The following EIF2B3 variants were observed in gnomAD, a reference collection of about 807,000 sequenced individuals.
The protein encoded by EIF2B3 is eukaryotic translation initiation factor 2B subunit gamma, also known as translation initiation factor eIF2B subunit gamma.
EIF2B3 carries 20 observed loss-of-function variants against 54.1 expected under a neutral mutation model. That is an observed-to-expected ratio of 0.37 (90% CI 0.26 to 0.54). EIF2B3 has a LOEUF of 0.54. EIF2B3 is among the 20% of genes least tolerant of loss of function. EIF2B3 has a pLI of 0.86. For missense variants in EIF2B3, 448 were observed against 547.8 expected (o/e 0.82, Z 1.82); for synonymous variants, 153 against 188.1 (o/e 0.81, Z 1.52).
At chr1:44,974,389 C>G (rs1017982969) in intron 3 of EIF2B3, among the ~76,000 whole-genome samples, 1 of 151,116 alleles carries the variant, frequency 6.6e-6, no homozygotes, top group Non-Finnish European at 1.5e-5. Flanking sequence ...AGGAGGATCA[C>G]CTGAGCCTGG....
rs974725134 is a variant in EIF2B3 at position 44,914,741 on chromosome 1, T to C, written c.566+11887A>G. ...TCTCGCTCTGTCACCCAGGCCGGAGTGCAGTAGCACGGTCTTGGCTCACTG... is the reference window on the plus strand; with the variant it reads ...TCTCGCTCTGTCACCCAGGCCGGAGCGCAGTAGCACGGTCTTGGCTCACTG... On this transcript the variant is annotated intron_variant, in intron 5 of 11. Coordinates refer to ENST00000360403, the MANE Select transcript of EIF2B3 (RefSeq NM_020365.5). Among the ~76,000 whole-genome samples the C allele has an allele frequency of 2.3e-4, 35 of 152,034 alleles. 1 individual carries two copies. Among genetic ancestry groups the C allele is most frequent in the African/African-American group, 8.0e-4 (33 of 41,428 alleles).
chr1:44,870,777 C>A (rs566792775), intron 10 of EIF2B3, among the ~76,000 whole-genome samples: 1 of 151,982 alleles, frequency 6.6e-6, no homozygotes, highest in Non-Finnish European at 1.5e-5. Context: ...CTTAGCCTCC[C>A]GAGTAGCTGG....
chr1:44,950,959 G>C (rs1227685941), intron 3 of EIF2B3, among the ~76,000 whole-genome samples: 2 of 152,162 alleles, frequency 1.3e-5, no homozygotes, highest in African/African-American at 4.8e-5. Context: ...GAAGTGTTGG[G>C]ATTACAGGCG....
At chr1:44,923,660 C>T (rs545996467) in intron 5 of EIF2B3, among the ~76,000 whole-genome samples, 27 of 151,966 alleles carry the variant, frequency 1.8e-4, no homozygotes, top group Admixed American at 1.6e-3. Context: ...CTCTCCATTT[C>T]TTTCTTTCTA....
chr1:44,980,193 G>A (rs1344883998), intron 2 of EIF2B3, among the ~76,000 whole-genome samples: 3 of 151,890 alleles, frequency 2.0e-5, no homozygotes, highest in Non-Finnish European at 2.9e-5. Context: ...GGCCAGGCAC[G>A]GTGGCTCATG....
At chr1:44,857,913 A>G in intron 10 of EIF2B3, 106 bp from the exon 11 acceptor site, 2 of 1,047,892 alleles carry the variant, frequency 1.9e-6, no homozygotes, top group South Asian at 2.6e-5. Flanking sequence ...ACAGCTGGGC[A>G]GTCCAGTTAA....
intron 8 of EIF2B3, among the ~76,000 whole-genome samples, chr1:44,876,275 G>T (rs958237162): frequency 6.6e-6 from 1 of 150,666 alleles, no homozygotes; most frequent in Non-Finnish European, 1.5e-5. Flanking sequence ...CCTCTTCCCC[G>T]CTGCCATCCC....
intron 3 of EIF2B3, among the ~76,000 whole-genome samples, chr1:44,943,013 G>C (rs549675783): frequency 4.0e-5 from 6 of 151,328 alleles, no homozygotes; most frequent in Non-Finnish European, 7.4e-5. Flanking sequence ...CCGCCACCAC[G>C]CCCGGCTAAT....
At chr1:44,960,406 G>A (rs1441211813) in intron 3 of EIF2B3, among the ~76,000 whole-genome samples, 4 of 152,246 alleles carry the variant, frequency 2.6e-5, no homozygotes, top group East Asian at 1.9e-4. Flanking sequence ...TTGGGAGGCC[G>A]AGGCAGGCGG....
At chr1:44,968,230 G>A (rs963305195) in intron 3 of EIF2B3, among the ~76,000 whole-genome samples, 56 of 151,604 alleles carry the variant, frequency 3.7e-4, no homozygotes, top group African/African-American at 1.3e-3. Flanking sequence ...GCTGGGTGTG[G>A]TGGCATGTTC....
chr1:44,897,737 C>CTTTT (rs36113373), intron 5 of EIF2B3, among the ~76,000 whole-genome samples: 1 of 134,462 alleles, frequency 7.4e-6, no homozygotes, highest in African/African-American at 2.8e-5. Context: ...TGATCGTTAA[C>CTTTT]TTTTTTTTTT....
chr1:44,976,626 T>C (rs1211696473), intron 3 of EIF2B3, among the ~76,000 whole-genome samples: 2 of 152,164 alleles, frequency 1.3e-5, no homozygotes, highest in South Asian at 2.1e-4. Context: ...TTATGCATGA[T>C]AGCCAAAAAT....
In EIF2B3 at chr1:44,941,517, TTC is replaced by T; in HGVS notation, c.441_442del (p.Lys150SerfsTer6). Reference sequence around the variant, plus strand: ...CCAATCTTCCTTACCTGCTTTTTTTTTCCCCTTTTGACCGGGAACAGGTTCTA... The same window carrying T: ...CCAATCTTCCTTACCTGCTTTTTTTTCCCTTTTGACCGGGAACAGGTTCTA... On this transcript the variant is annotated frameshift_variant, in exon 4 of 12. Transcript: ENST00000360403. LOFTEE classifies it high-confidence loss of function. The T allele has an allele frequency of 6.2e-7, 1 of 1,604,888 alleles. No individual in the cohort carries two copies. The highest frequency in any genetic ancestry group is 8.5e-7 in the Non-Finnish European group (1 of 1,176,284).
At chr1:44,871,772 T>C (rs1222646673) in intron 10 of EIF2B3, among the ~76,000 whole-genome samples, 2 of 151,876 alleles carry the variant, frequency 1.3e-5, no homozygotes, top group Non-Finnish European at 2.9e-5. Flanking sequence ...TTATTTCCAA[T>C]AGGGTAGTTG....
chr1:44,935,783 G>A (rs930476698), intron 4 of EIF2B3, among the ~76,000 whole-genome samples: 1 of 152,160 alleles, frequency 6.6e-6, no homozygotes, highest in African/African-American at 2.4e-5. Flanking sequence ...TTATAGGCGT[G>A]AGCCACTGCA....
intron 3 of EIF2B3, among the ~76,000 whole-genome samples, chr1:44,952,690 C>T (rs55807836): frequency 0.14 from 20,971 of 151,044 alleles, 1,637 homozygotes; most frequent in Non-Finnish European, 0.17. Context: ...GTAGCTGGGA[C>T]TACAGGCGCC....
chr1:44,878,107 G>A (rs1256339263), intron 8 of EIF2B3, among the ~76,000 whole-genome samples: 1 of 152,164 alleles, frequency 6.6e-6, no homozygotes, highest in Non-Finnish European at 1.5e-5. Flanking sequence ...TGCTAGTCAT[G>A]GGTAAATGTG....
intron 5 of EIF2B3, among the ~76,000 whole-genome samples, chr1:44,908,887 G>C (rs1344653205): frequency 6.6e-6 from 1 of 152,150 alleles, no homozygotes; most frequent in Non-Finnish European, 1.5e-5. Flanking sequence ...GTCATGGATG[G>C]GGTAGCTGGG....
chr1:44,893,643 G>GCT (rs10685973), intron 6 of EIF2B3, among the ~76,000 whole-genome samples: 38,170 of 151,934 alleles, frequency 0.25, 5,933 homozygotes, highest in African/African-American at 0.45. Flanking sequence ...CACAGTAGGT[G>GCT]GTTAAATTTT....
Sources: gnomAD v4.1 joint callset for allele counts (sites outside exome capture counted in the v4.1 genomes callset) on GRCh38, gnomAD v4.1.1 for gene constraint, MANE v1.5 for transcripts, NCBI Gene and HGNC (gene_info 2026-07-23, HGNC 2026-07-21) for gene names.